Variants in NTM observed in about 807,000 individuals in gnomAD.
The protein encoded by NTM is neurotrimin, also known as IgLON family member 2.
Under a neutral mutation model 42.1 loss-of-function variants are expected in NTM, and 13 were observed. That is an observed-to-expected ratio of 0.31 (90% confidence interval 0.20 to 0.49). NTM has a LOEUF of 0.49. Among genes scored for constraint, NTM ranks in the 20% least tolerant of loss-of-function variants. The pLI is 0.99. For synonymous variants in NTM, 187 were observed against 179.2 expected (o/e 1.04, Z -0.35); for missense variants, 373 against 452.8 (o/e 0.82, Z 1.60).
intron 4 of NTM, among the ~76,000 whole-genome samples, chr11:132,300,161 G>A (rs1485222814): frequency 6.6e-6 from 1 of 152,098 alleles, no homozygotes; most frequent in Non-Finnish European, 1.5e-5. Context: ...AGTTCCTACT[G>A]GCAAAGCAGA....
At chr11:131,700,322 T>C (rs1432864111) in intron 1 of NTM, among the ~76,000 whole-genome samples, 1 of 152,172 alleles carries the variant, frequency 6.6e-6, no homozygotes, top group Non-Finnish European at 1.5e-5. Context: ...CAAAATCAAT[T>C]GTATGCCTGT....
intron 2 of NTM, among the ~76,000 whole-genome samples, chr11:131,913,729 C>T (rs1302670610): frequency 6.6e-6 from 1 of 152,088 alleles, no homozygotes; most frequent in Non-Finnish European, 1.5e-5. Flanking sequence ...GGTGGAGCTT[C>T]CTTTCTAGAC....
intron 4 of NTM, among the ~76,000 whole-genome samples, chr11:132,276,080 G>C (rs140821849): frequency 1.2e-3 from 177 of 151,824 alleles, no homozygotes; most frequent in Non-Finnish European, 1.7e-3. Context: ...CTACATATAT[G>C]TGAGATCATG....
At chr11:132,158,667 G>A (rs2073698663) in intron 3 of NTM, among the ~76,000 whole-genome samples, 1 of 152,222 alleles carries the variant, frequency 6.6e-6, no homozygotes, top group Non-Finnish European at 1.5e-5. Flanking sequence ...CTACCGTTAA[G>A]TGGACTTGAT....
At chr11:132,230,212 G>T (rs2087215287) in intron 4 of NTM, among the ~76,000 whole-genome samples, 2 of 152,166 alleles carry the variant, frequency 1.3e-5, no homozygotes, top group South Asian at 4.1e-4. Flanking sequence ...GCTGAGTGGG[G>T]AACAGCAAAG....
intron 2 of NTM, among the ~76,000 whole-genome samples, chr11:132,062,151 A>G (rs1274552972): frequency 6.6e-6 from 1 of 152,166 alleles, no homozygotes; most frequent in African/African-American, 2.4e-5. Flanking sequence ...GAAGTAATTT[A>G]CCACCCCAGG....
chr11:132,274,152 G>A (rs969157642), intron 4 of NTM, among the ~76,000 whole-genome samples: 1 of 151,816 alleles, frequency 6.6e-6, no homozygotes, highest in Non-Finnish European at 1.5e-5. Flanking sequence ...CCTTAGTAAA[G>A]CCTTGTCAAA....
At chr11:132,256,928 C>T (rs2092529002) in intron 4 of NTM, among the ~76,000 whole-genome samples, 2 of 152,186 alleles carry the variant, frequency 1.3e-5, no homozygotes, top group Admixed American at 6.5e-5. Flanking sequence ...TGTCACTCTC[C>T]AATATTTCCT....
intron 1 of NTM, among the ~76,000 whole-genome samples, chr11:131,896,135 C>T (rs1161765070): frequency 2.6e-5 from 4 of 152,166 alleles, no homozygotes; most frequent in Non-Finnish European, 5.9e-5. Flanking sequence ...AAAGATAAAG[C>T]TGGCTTCTGC....
At chr11:131,462,826 TG>T (rs1288557352) in intron 1 of NTM, among the ~76,000 whole-genome samples, 1 of 151,528 alleles carries the variant, frequency 6.6e-6, no homozygotes, top group East Asian at 1.9e-4. Flanking sequence ...CCACCTAGGG[TG>T]GTCCACCACC....
chr11:131,482,986 G>A (rs568512860), intron 1 of NTM, among the ~76,000 whole-genome samples: 1 of 152,194 alleles, frequency 6.6e-6, no homozygotes, highest in Non-Finnish European at 1.5e-5. Flanking sequence ...AAGTCTAGCT[G>A]ATGGTTATCA....
At chr11:132,120,377 G>A (rs1347458628) in intron 2 of NTM, among the ~76,000 whole-genome samples, 1 of 152,046 alleles carries the variant, frequency 6.6e-6, no homozygotes, top group African/African-American at 2.4e-5. Context: ...GAGAGTGAGG[G>A]GTGACAAAAC....
intron 1 of NTM, among the ~76,000 whole-genome samples, chr11:131,677,687 A>G (rs1215234524): frequency 2.6e-5 from 4 of 152,224 alleles, no homozygotes; most frequent in Admixed American, 6.5e-5. Flanking sequence ...ATAAGAACCC[A>G]GAAAGTTCCT....
At chr11:131,568,883 GCT>G (rs376817705) in intron 1 of NTM, among the ~76,000 whole-genome samples, 2 of 151,600 alleles carry the variant, frequency 1.3e-5, no homozygotes, top group Admixed American at 6.6e-5. Flanking sequence ...GCTCCCAGAT[GCT>G]CTCTCTCTCT....
At chr11:131,617,983 A>G (rs1592243884) in intron 1 of NTM, among the ~76,000 whole-genome samples, 1 of 152,124 alleles carries the variant, frequency 6.6e-6, no homozygotes, top group East Asian at 1.9e-4. Context: ...GCGCCGGGCT[A>G]CTCTGATGTG....
chr11:131,812,957 G>C (rs957534021), intron 1 of NTM, among the ~76,000 whole-genome samples: 1 of 152,168 alleles, frequency 6.6e-6, no homozygotes, highest in South Asian at 2.1e-4. Context: ...TGGCTCAAAG[G>C]TGGAGACTAT....
chr11:132,334,679 G>C (rs1463695998), intron 8 of NTM, among the ~76,000 whole-genome samples: 1 of 152,134 alleles, frequency 6.6e-6, no homozygotes. Context: ...GAGGCACTCA[G>C]CACAGTAGTC....
At chr11:131,996,762 G>T (rs2068113503) in intron 2 of NTM, among the ~76,000 whole-genome samples, 1 of 152,076 alleles carries the variant, frequency 6.6e-6, no homozygotes, top group Non-Finnish European at 1.5e-5. Context: ...TGCCAGTTCG[G>T]TGTCATTGCT....
intron 1 of NTM, among the ~76,000 whole-genome samples, chr11:131,732,750 C>T (rs59232613): frequency 3.1e-3 from 465 of 152,216 alleles, no homozygotes; most frequent in African/African-American, 5.6e-3. Context: ...TAATTCTTAG[C>T]GGAGTCTATT....
Sources: allele counts gnomAD v4.1 joint callset (sites outside exome capture counted in the v4.1 genomes callset), GRCh38; gene constraint gnomAD v4.1.1; transcripts MANE v1.5; gene names NCBI Gene and HGNC (gene_info 2026-07-23, HGNC 2026-07-21).